PLCL1: variants seen among roughly 807,000 people sequenced by gnomAD.
PLCL1 encodes the protein phospholipase C like 1 (inactive), also known as inactive phospholipase C-like protein 1.
PLCL1 carries 41 observed loss-of-function variants against 84.4 expected under a neutral mutation model. The observed-to-expected ratio is 0.49, with a 90% CI of 0.38 to 0.63. PLCL1 has a LOEUF of 0.63. Ranked by LOEUF, PLCL1 falls within the 30% of genes least tolerant of loss-of-function variation. The probability of loss-of-function intolerance (pLI) is 0.00; values close to 1 mark genes in which losing one functional copy is unlikely to be tolerated. For synonymous variants in PLCL1, 490 were observed against 488.3 expected, an observed-to-expected ratio of 1.00 and a Z score of -0.05; for missense variants, 1,206 against 1,367.8, an observed-to-expected ratio of 0.88 and a Z score of 1.87.
chr2:197,922,553 C>T (rs1463952576), intron 1 of PLCL1, among the ~76,000 whole-genome samples: 1 of 131,812 alleles, frequency 7.6e-6, no homozygotes, highest in Non-Finnish European at 1.7e-5. Flanking sequence ...GGGTGGTGGC[C>T]GGGCAGAGGG....
chr2:197,899,796 C>T (rs1487786071), intron 1 of PLCL1, among the ~76,000 whole-genome samples: 3 of 151,560 alleles, frequency 2.0e-5, no homozygotes, highest in African/African-American at 2.4e-5. Flanking sequence ...CTACCACGCC[C>T]GGCTAATTTT....
At chr2:198,061,892 C>A (rs893612920) in intron 1 of PLCL1, among the ~76,000 whole-genome samples, 1 of 152,194 alleles carries the variant, frequency 6.6e-6, no homozygotes, top group African/African-American at 2.4e-5. Context: ...AGCCACTGAG[C>A]CTGGCTGCAA....
intron 1 of PLCL1, among the ~76,000 whole-genome samples, chr2:197,921,247 TA>T (rs1445068024): frequency 6.6e-6 from 1 of 152,238 alleles, no homozygotes; most frequent in African/African-American, 2.4e-5. Flanking sequence ...CGTTATGTGG[TA>T]CATGACTGTA....
intron 1 of PLCL1, among the ~76,000 whole-genome samples, chr2:198,026,888 G>C (rs2105845060): frequency 6.6e-6 from 1 of 152,284 alleles, no homozygotes; most frequent in Non-Finnish European, 1.5e-5. Flanking sequence ...AGGGTGTGGA[G>C]AAAAGAGAAC....
chr2:198,024,355 C>A (rs931622782), intron 1 of PLCL1, among the ~76,000 whole-genome samples: 1 of 151,984 alleles, frequency 6.6e-6, no homozygotes, highest in African/African-American at 2.4e-5. Flanking sequence ...ATGTAACAAA[C>A]CTGCACGTTC....
intron 1 of PLCL1, among the ~76,000 whole-genome samples, chr2:197,835,963 G>A (rs1691179477): frequency 6.6e-6 from 1 of 152,042 alleles, no homozygotes; most frequent in Non-Finnish European, 1.5e-5. Flanking sequence ...GTTGGTCCAT[G>A]GTATGTTACA....
At position 198,085,462 on chromosome 2, in the gene PLCL1, A is replaced by C; in HGVS notation, c.1945A>C (p.Ile649Leu). 3 of 1,614,052 alleles carry C rather than the reference A, an allele frequency of 1.9e-6. No homozygotes were observed. Among genetic ancestry groups the C allele is most frequent in the Non-Finnish European group, 2.5e-6 (3 of 1,179,906 alleles). The stretch of plus-strand genomic sequence containing the variant: ...AAGAATCTATCCAAGTGCCATGAGG[A>C]TCGATTCCAGTAACTTGAATCCACA... ...LSRIYPSAMR[I>L]DSSNLNPQDF... The change falls in exon 2 of 6, where the codon ATC becomes CTC. Residue 649 changes from isoleucine (I) to leucine (L), a missense_variant. Transcript: ENST00000428675. The surrounding 1 kb of genome is among the most constrained non-coding windows in gnomAD (Gnocchi z 5.3).
chr2:197,996,910 G>A (rs999502318), intron 1 of PLCL1, among the ~76,000 whole-genome samples: 2 of 152,176 alleles, frequency 1.3e-5, no homozygotes, highest in African/African-American at 4.8e-5. Flanking sequence ...GGTGGCATTA[G>A]CGTACCAGGG....
At chr2:197,970,730 G>A (rs1293317116) in intron 1 of PLCL1, among the ~76,000 whole-genome samples, 2 of 152,140 alleles carry the variant, frequency 1.3e-5, no homozygotes, top group East Asian at 1.9e-4. Flanking sequence ...GACAAGAGTT[G>A]TATCCGTTTT....
intron 1 of PLCL1, among the ~76,000 whole-genome samples, chr2:197,958,172 C>CT (rs962895969): frequency 1.1e-4 from 17 of 150,340 alleles, no homozygotes; most frequent in East Asian, 5.9e-4. Context: ...GTTAATTAGC[C>CT]TTTTTTTTTG....
chr2:198,067,449 G>C (rs112344281), intron 1 of PLCL1, among the ~76,000 whole-genome samples: 5 of 152,188 alleles, frequency 3.3e-5, no homozygotes, highest in African/African-American at 1.2e-4. Flanking sequence ...CTTTTTGAGC[G>C]GCATTTTTGC....
intron 1 of PLCL1, among the ~76,000 whole-genome samples, chr2:197,860,584 A>G (rs1687411333): frequency 6.6e-6 from 1 of 152,092 alleles, no homozygotes; most frequent in Admixed American, 6.6e-5. Context: ...CTGGTGTGAG[A>G]TGATATCTCA....
At chr2:198,073,715 A>G (rs1019801538) in intron 1 of PLCL1, among the ~76,000 whole-genome samples, 6 of 152,216 alleles carry the variant, frequency 3.9e-5, no homozygotes, top group Non-Finnish European at 8.8e-5. Flanking sequence ...GTTGCAAAAG[A>G]AAGATTCAAT....
intron 3 of PLCL1, among the ~76,000 whole-genome samples, chr2:198,090,071 C>A (rs1692983599): frequency 6.6e-6 from 1 of 152,034 alleles, no homozygotes; most frequent in Admixed American, 6.6e-5. Flanking sequence ...TATAGAGTTC[C>A]TTTTCTTGGA....
intron 1 of PLCL1, among the ~76,000 whole-genome samples, chr2:197,819,593 A>C (rs1444238544): frequency 6.6e-6 from 1 of 152,064 alleles, no homozygotes; most frequent in Non-Finnish European, 1.5e-5. Flanking sequence ...CCATTTTCCA[A>C]TTCTACCCTT....
At chr2:198,110,661 A>C (rs1019565400) in intron 5 of PLCL1, among the ~76,000 whole-genome samples, 1 of 151,878 alleles carries the variant, frequency 6.6e-6, no homozygotes, top group Non-Finnish European at 1.5e-5. Context: ...CTTACTGGCC[A>C]TAGATATTTA....
At chr2:197,915,595 G>A (rs1688581666) in intron 1 of PLCL1, among the ~76,000 whole-genome samples, 1 of 151,846 alleles carries the variant, frequency 6.6e-6, no homozygotes, top group African/African-American at 2.4e-5. Flanking sequence ...GAGTTAAGCA[G>A]AAGAAGGTGG....
chr2:197,836,681 A>ATATTTTAC (rs745409278), intron 1 of PLCL1, among the ~76,000 whole-genome samples: 11 of 152,178 alleles, frequency 7.2e-5, no homozygotes, highest in Non-Finnish European at 1.5e-4. Flanking sequence ...GTTAAGTTAC[A>ATATTTTAC]TATTTTACTA....
At chr2:197,970,827 C>T (rs1383432442) in intron 1 of PLCL1, among the ~76,000 whole-genome samples, 6 of 152,176 alleles carry the variant, frequency 3.9e-5, no homozygotes, top group Non-Finnish European at 7.3e-5. Flanking sequence ...ACTGTGTCTC[C>T]ATTTATATGT....
Sources: allele counts gnomAD v4.1 joint callset (sites outside exome capture counted in the v4.1 genomes callset), GRCh38; gene constraint gnomAD v4.1.1; non-coding constraint Gnocchi (gnomAD v3.1); transcripts MANE v1.5; gene names NCBI Gene and HGNC (gene_info 2026-07-23, HGNC 2026-07-21).